The following CCDC66 variants were observed in gnomAD, a reference collection of about 807,000 sequenced individuals.
CCDC66 encodes coiled-coil domain-containing protein 66.
Under a neutral mutation model 128.3 loss-of-function variants are expected in CCDC66, and 133 were observed. The observed-to-expected ratio is 1.04, with a 90% CI of 0.90 to 1.20. CCDC66 has a LOEUF of 1.20. CCDC66 is among the 50% of genes most tolerant of loss of function. The pLI is 0.00. For synonymous variants in CCDC66, 387 were observed against 357.0 expected (o/e 1.08, Z -0.95); for missense variants, 1,126 against 1,075.5 (o/e 1.05, Z -0.66).
chr3:56,580,001 C>T (rs28852708), intron 7 of CCDC66, among the ~76,000 whole-genome samples: 1 of 151,794 alleles, frequency 6.6e-6, no homozygotes, highest in African/African-American at 2.4e-5. Context: ...CTAATGTTGA[C>T]AGTGGGGTGT....
chr3:56,558,914 T>C lies in CCDC66; in HGVS notation c.76+4T>C. 1 of 1,534,582 alleles carries C rather than the reference T, an allele frequency of 6.5e-7. No individual in the cohort carries two copies. The highest frequency in any genetic ancestry group is 8.8e-7 in the Non-Finnish European group (1 of 1,136,064). Reference sequence around the variant, plus strand: ...AAGCTAATATTGTCTCCATATGGTATGTTGTGTTACAGAAATCTGAAATGT... The same window carrying C: ...AAGCTAATATTGTCTCCATATGGTACGTTGTGTTACAGAAATCTGAAATGT... On this transcript the variant is annotated splice_donor_region_variant and intron_variant, in intron 2 of 17. Transcript: ENST00000394672.
Position 56,617,233 on chromosome 3 carries a change from C to T in CCDC66, c.1965C>T (p.Thr655=), listed in dbSNP as rs138950377. 6.2e-7 allele frequency: 1 copy of T among 1,613,296 alleles called. No homozygotes were observed. Among genetic ancestry groups the T allele is most frequent in the East Asian group, 2.2e-5 (1 of 44,832 alleles). Residue 655 remains threonine, a synonymous_variant, in exon 14 of 18, where the codon ACC becomes ACT. Coordinates refer to ENST00000394672, the MANE Select transcript of CCDC66 (RefSeq NM_001141947.3). ...CAGAACTTATTGGACAGTTTAGCAC[C>T]AAGAAAAACAAGCAAGAACTAACTC... is the stretch of plus-strand genomic sequence containing the variant. ...ISAELIGQFS[T]KKNKQELTQD...
rs2066949656 is a variant in CCDC66 at position 56,573,721 on chromosome 3, C to T, written c.936+2419C>T. On this transcript the variant is annotated intron_variant, in intron 7 of 17. Transcript: ENST00000394672. ...TCTGAAGGGCTGGTTTCTGTTTAGC[C>T]CTTAGGCTAAATAGTGGTTAGCCAG... is the stretch of plus-strand genomic sequence containing the variant. 2.0e-5 allele frequency among the ~76,000 whole-genome samples: 3 copies of T among 149,144 alleles called. No individual in the cohort carries two copies. The Admixed American group carries it at 2.2e-4, about 11-fold the overall frequency.
In CCDC66 at chr3:56,593,707, A is replaced by G. The variant is rs2071345908; in HGVS notation, c.1285A>G (p.Lys429Glu). 1.2e-6 allele frequency: 2 copies of G among 1,613,950 alleles called. No homozygotes were observed. The change falls in exon 9 of 18, where the codon AAG becomes GAG. Residue 429 changes from lysine (K) to glutamate (E), a missense_variant. Coordinates refer to ENST00000394672, the MANE Select transcript of CCDC66 (RefSeq NM_001141947.3). The stretch of plus-strand genomic sequence containing the variant: ...GGAGGAGCATATAGCAAAACCTATT[A>G]AGGATGTGGTTATGGCAAACAGTAA... Reference protein sequence around the residue: ...SEEEHIAKPIKDVVMANSKKT... With the variant: ...SEEEHIAKPIEDVVMANSKKT...
chr3:56,609,203 G>A (rs2074465885), intron 10 of CCDC66, among the ~76,000 whole-genome samples: 1 of 152,088 alleles, frequency 6.6e-6, no homozygotes, highest in Non-Finnish European at 1.5e-5. Flanking sequence ...GTGGAGTATT[G>A]AAGTCCTCCA....
chr3:56,621,515 T>TATCA lies in CCDC66; in HGVS notation c.2761-14_2761-11dup. Reference sequence around the variant, plus strand: ...TGTGCACATTTTACTAACAAACATATATCAATGTGATTTCAGGGCCTTCTC... The same window carrying TATCA: ...TGTGCACATTTTACTAACAAACATATATCAATCAATGTGATTTCAGGGCCTTCTC... On this transcript the variant is annotated splice_polypyrimidine_tract_variant and intron_variant, in intron 17 of 17. Transcript: ENST00000394672. 6.5e-7 allele frequency: 1 copy of TATCA among 1,537,182 alleles called. No individual in the cohort carries two copies. The highest frequency in any genetic ancestry group is 2.3e-5 in the East Asian group (1 of 44,132).
Position 56,619,180 on chromosome 3 carries a change from C to T in CCDC66, c.2379-91C>T, listed in dbSNP as rs577641631. ...CTGCACTCCAGCCTGGGCAACAGAG[C>T]GAGACTTCATCTCATAAATAAAGTG... On this transcript the variant is annotated intron_variant, in intron 15 of 17. Coordinates refer to ENST00000394672, the MANE Select transcript of CCDC66 (RefSeq NM_001141947.3). The T allele has an allele frequency of 2.2e-5, 24 of 1,094,726 alleles. No individual in the cohort carries two copies. The South Asian group carries it at 3.0e-4, about 14-fold the overall frequency. The allele number at this position is 1,094,726 out of a possible 1,614,324, so 67.8% of individuals were successfully genotyped here.
chr3:56,619,573 G>T, intron 16 of CCDC66, 46 bp downstream of exon 16: 1 of 1,483,214 alleles, frequency 6.7e-7, no homozygotes, highest in Non-Finnish European at 8.8e-7. Flanking sequence ...GAAGACCCAT[G>T]TAAACCCCGT....
intron 7 of CCDC66, among the ~76,000 whole-genome samples, chr3:56,581,232 C>G (rs1385503584): frequency 5.9e-5 from 9 of 151,778 alleles, no homozygotes; most frequent in Non-Finnish European, 1.0e-4. Flanking sequence ...TCATGTAGTT[C>G]TCGTGCCATG....
Position 56,619,842 on chromosome 3 carries a change from A to G in CCDC66, c.2701A>G (p.Met901Val), listed in dbSNP as rs757253918. Residue 901 changes from methionine to valine, a missense_variant, in exon 17 of 18, where the codon ATG becomes GTG. Physicochemically the swap from Met to Val is conservative, Grantham distance 21. Transcript: ENST00000394672. Reference sequence around the variant, plus strand: ...CAGGGATCCACTTCTTAATCCTAACATGGTGAAAAATAGGGATCGACAGCA... The same window carrying G: ...CAGGGATCCACTTCTTAATCCTAACGTGGTGAAAAATAGGGATCGACAGCA... Reference protein sequence around the residue: ...CVRDPLLNPNMVKNRDRQQAI... With the variant: ...CVRDPLLNPNVVKNRDRQQAI... The G allele has an allele frequency of 6.8e-6, 11 of 1,614,112 alleles. 1 individual carries two copies. In the South Asian group the frequency reaches 7.7e-5, roughly 11 times the overall value.
chr3:56,582,092 A>T (rs997655185), intron 7 of CCDC66, among the ~76,000 whole-genome samples: 2 of 151,718 alleles, frequency 1.3e-5, no homozygotes, highest in Non-Finnish European at 2.9e-5. Context: ...TGCTTTGTTT[A>T]CCTACTCAAG....
intron 7 of CCDC66, among the ~76,000 whole-genome samples, chr3:56,585,952 A>T (rs2069620102): frequency 6.6e-6 from 1 of 151,900 alleles, no homozygotes; most frequent in Non-Finnish European, 1.5e-5. Flanking sequence ...GACATTGTGA[A>T]ATGAAAAGAG....
intron 11 of CCDC66, 70 bp downstream of exon 11, chr3:56,613,820 G>A: frequency 2.2e-6 from 3 of 1,345,558 alleles, no homozygotes; most frequent in Non-Finnish European, 2.1e-6. Flanking sequence ...TCACTCTTTT[G>A]CCCAGGTTGG....
At chr3:56,619,731 T>C in intron 16 of CCDC66, 46 bp from the exon 17 acceptor site, 1 of 1,606,228 alleles carries the variant, frequency 6.2e-7, no homozygotes, top group South Asian at 1.1e-5. Context: ...GGCTATGTCA[T>C]TTTACTAATG....
chr3:56,575,365 G>A (rs1189266121), intron 7 of CCDC66, among the ~76,000 whole-genome samples: 1 of 151,738 alleles, frequency 6.6e-6, no homozygotes, highest in Non-Finnish European at 1.5e-5. Context: ...TTTCCCACAG[G>A]CTTATTGACT....
intron 10 of CCDC66, among the ~76,000 whole-genome samples, chr3:56,599,617 T>C (rs1439093298): frequency 6.6e-6 from 1 of 152,050 alleles, no homozygotes; most frequent in Non-Finnish European, 1.5e-5. Context: ...TCAAGAATTT[T>C]TTTAAATTTT....
At chr3:56,613,957 G>C (rs1178935532) in intron 11 of CCDC66, among the ~76,000 whole-genome samples, 1 of 152,058 alleles carries the variant, frequency 6.6e-6, no homozygotes, top group Non-Finnish European at 1.5e-5. Flanking sequence ...TTTTTTTGTT[G>C]GTCTGTGGAG....
In CCDC66 at chr3:56,562,267, C is replaced by T. The variant is rs148102925; in HGVS notation, c.103-1417C>T. 7.2e-3 allele frequency among the ~76,000 whole-genome samples: 1,102 copies of T among 152,024 alleles called. 16 individuals carry two copies. The highest frequency in any genetic ancestry group is 0.025 in the African/African-American group (1,021 of 41,462). On this transcript the variant is annotated intron_variant, in intron 3 of 17. Coordinates refer to ENST00000394672, the MANE Select transcript of CCDC66 (RefSeq NM_001141947.3). Reference sequence around the variant, plus strand: ...GTCTTCCTGTGTTGCCCAGGCTTGTCTCAAACTCCTGGGCTCAAGCGATCC... The same window carrying T: ...GTCTTCCTGTGTTGCCCAGGCTTGTTTCAAACTCCTGGGCTCAAGCGATCC...
Position 56,589,827 on chromosome 3 carries a change from A to G in CCDC66, c.937-3143A>G, listed in dbSNP as rs982460231. Among the ~76,000 whole-genome samples the G allele has an allele frequency of 2.6e-5, 4 of 152,256 alleles. No homozygotes were observed. The East Asian group carries it at 5.8e-4, about 22-fold the overall frequency. On this transcript the variant is annotated intron_variant, in intron 7 of 17. Coordinates refer to ENST00000394672, the MANE Select transcript of CCDC66 (RefSeq NM_001141947.3). ...AAACATTCACTAATTAGACAACCCA[A>G]TTTTTTTAATTGGCAGAATTTTAAT...
Sources: gnomAD v4.1 joint callset for allele counts (sites outside exome capture counted in the v4.1 genomes callset) on GRCh38, gnomAD v4.1.1 for gene constraint, MANE v1.5 for transcripts, NCBI Gene and HGNC (gene_info 2026-07-23, HGNC 2026-07-21) for gene names.